The following MCTP1 variants were observed in gnomAD, a reference collection of about 807,000 sequenced individuals.
The protein encoded by MCTP1 is multiple C2 and transmembrane domain containing 1, also known as multiple C2 and transmembrane domain-containing protein 1.
Under a neutral mutation model 120.6 loss-of-function variants are expected in MCTP1, and 69 were observed. The ratio of observed to expected loss-of-function variants is 0.57; its 90% CI spans 0.47 to 0.70. The LOEUF is 0.70. MCTP1 is among the 30% of genes least tolerant of loss of function. The probability of loss-of-function intolerance (pLI) is 0.00; values close to 1 mark genes in which losing one functional copy is unlikely to be tolerated. For synonymous variants in MCTP1, 529 were observed against 493.1 expected (o/e 1.07, Z -0.96); for missense variants, 1,203 against 1,248.8 (o/e 0.96, Z 0.55).
At chr5:95,015,085 T>A (rs930914388) in intron 2 of MCTP1, among the ~76,000 whole-genome samples, 77 of 152,264 alleles carry the variant, frequency 5.1e-4, no homozygotes, top group Non-Finnish European at 8.4e-4. Flanking sequence ...CATGCTTTTT[T>A]ATGAATAATG....
At chr5:94,912,335 G>T (rs184153334) in intron 9 of MCTP1, among the ~76,000 whole-genome samples, 9 of 146,690 alleles carry the variant, frequency 6.1e-5, no homozygotes, top group African/African-American at 2.3e-4. Context: ...TGAGAGAGGA[G>T]AATTGCTTGA....
intron 1 of MCTP1, among the ~76,000 whole-genome samples, chr5:95,149,924 C>T (rs1760742835): frequency 6.6e-6 from 1 of 152,154 alleles, no homozygotes; most frequent in Non-Finnish European, 1.5e-5. Context: ...CAGAACTTCT[C>T]CTGGTTTCAC....
intron 2 of MCTP1, among the ~76,000 whole-genome samples, chr5:94,962,840 A>G (rs893338575): frequency 1.1e-4 from 16 of 152,082 alleles, no homozygotes; most frequent in African/African-American, 3.6e-4. Flanking sequence ...GTAACCAAAT[A>G]CCATTTGTTC....
At chr5:95,282,548 A>G (rs1401668885) in intron 1 of MCTP1, among the ~76,000 whole-genome samples, 1 of 152,170 alleles carries the variant, frequency 6.6e-6, no homozygotes, top group East Asian at 1.9e-4. Flanking sequence ...TTCTAAAACC[A>G]TTTATCACTT....
intron 1 of MCTP1, among the ~76,000 whole-genome samples, chr5:95,129,893 T>C (rs748337430): frequency 1.3e-5 from 2 of 152,136 alleles, no homozygotes; most frequent in African/African-American, 4.8e-5. Flanking sequence ...ACTCCTGACC[T>C]CAGGCGATCC....
At chr5:95,077,693 C>T (rs1033998084) in intron 1 of MCTP1, among the ~76,000 whole-genome samples, 1 of 152,068 alleles carries the variant, frequency 6.6e-6, no homozygotes, top group Non-Finnish European at 1.5e-5. Flanking sequence ...AAGATGGTCT[C>T]GATCTCCTGA....
At chr5:94,991,913 T>C (rs1194785982) in intron 2 of MCTP1, among the ~76,000 whole-genome samples, 1 of 151,932 alleles carries the variant, frequency 6.6e-6, no homozygotes, top group Non-Finnish European at 1.5e-5. Context: ...AACAAACAAA[T>C]ACATGAATGA....
At chr5:94,965,246 C>T (rs1825308050) in intron 2 of MCTP1, among the ~76,000 whole-genome samples, 2 of 152,044 alleles carry the variant, frequency 1.3e-5, no homozygotes, top group Non-Finnish European at 2.9e-5. Flanking sequence ...ATTTTTTTCT[C>T]TTTCTGCTGG....
intron 1 of MCTP1, among the ~76,000 whole-genome samples, chr5:95,106,480 T>C (rs564859724): frequency 1.3e-5 from 2 of 152,326 alleles, no homozygotes; most frequent in South Asian, 4.1e-4. Flanking sequence ...TTGGATCCTG[T>C]TGAGTCTGAA....
intron 2 of MCTP1, among the ~76,000 whole-genome samples, chr5:95,016,844 T>A (rs1193640030): frequency 6.6e-6 from 1 of 152,074 alleles, no homozygotes; most frequent in East Asian, 1.9e-4. Context: ...ATTTGCCTTA[T>A]CTTATCCTTC....
chr5:94,834,941 G>T (rs1157853302), intron 17 of MCTP1, among the ~76,000 whole-genome samples: 1 of 150,098 alleles, frequency 6.7e-6, no homozygotes, highest in African/African-American at 2.5e-5. Flanking sequence ...TCCTGCCTCA[G>T]CCTCCCGAGT....
chr5:94,806,998 AAC>A (rs1167318708), intron 17 of MCTP1, among the ~76,000 whole-genome samples: 3 of 152,192 alleles, frequency 2.0e-5, no homozygotes, highest in Non-Finnish European at 2.9e-5. Flanking sequence ...TCTTAAACTT[AAC>A]ACACATTTAC....
intron 17 of MCTP1, among the ~76,000 whole-genome samples, chr5:94,827,770 T>C (rs1215683392): frequency 6.6e-6 from 1 of 151,822 alleles, no homozygotes; most frequent in African/African-American, 2.4e-5. Flanking sequence ...GATTGATACT[T>C]GTGTATGCCT....
At chr5:95,011,487 T>C (rs1835931419) in intron 2 of MCTP1, among the ~76,000 whole-genome samples, 1 of 152,070 alleles carries the variant, frequency 6.6e-6, no homozygotes, top group Admixed American at 6.6e-5. Context: ...ATCCCTAATG[T>C]TGGGGGGAGG....
chr5:94,824,337 G>T (rs1786443733), intron 17 of MCTP1, among the ~76,000 whole-genome samples: 1 of 152,158 alleles, frequency 6.6e-6, no homozygotes, highest in Non-Finnish European at 1.5e-5. Context: ...TTTTTGTGAT[G>T]GATTACGTTT....
intron 2 of MCTP1, among the ~76,000 whole-genome samples, chr5:94,961,809 G>T (rs1824277331): frequency 6.6e-6 from 1 of 152,138 alleles, no homozygotes; most frequent in Non-Finnish European, 1.5e-5. Context: ...CTACATTGAA[G>T]CTACAATTAA....
intron 1 of MCTP1, among the ~76,000 whole-genome samples, chr5:95,261,432 CTTAT>C (rs1758461467): frequency 6.6e-6 from 1 of 152,142 alleles, no homozygotes; most frequent in Non-Finnish European, 1.5e-5. Context: ...TTTTGAAATG[CTTAT>C]TTAAAAATCT....
chr5:94,956,528 T>C (rs1822655728), intron 2 of MCTP1, among the ~76,000 whole-genome samples: 1 of 152,066 alleles, frequency 6.6e-6, no homozygotes, highest in Admixed American at 6.6e-5. Flanking sequence ...TATAAAAGGT[T>C]AGAGGAACTA....
chr5:94,722,362 A>G (rs1385546372), intron 19 of MCTP1, among the ~76,000 whole-genome samples: 1 of 152,158 alleles, frequency 6.6e-6, no homozygotes, highest in Admixed American at 6.5e-5. Flanking sequence ...TCATTAATAC[A>G]TTTAGGAACC....
Sources: allele counts gnomAD v4.1 joint callset (sites outside exome capture counted in the v4.1 genomes callset), GRCh38; gene constraint gnomAD v4.1.1; transcripts MANE v1.5; gene names NCBI Gene and HGNC (gene_info 2026-07-23, HGNC 2026-07-21).